CNTN4: variants seen among roughly 807,000 people sequenced by gnomAD.
CNTN4 encodes contactin 4, also known as contactin-4.
Under a neutral mutation model 122.5 loss-of-function variants are expected in CNTN4, and 77 were observed. The ratio of observed to expected loss-of-function variants is 0.63; its 90% confidence interval spans 0.52 to 0.76. The LOEUF (loss-of-function observed/expected upper bound fraction) is 0.76, where lower values mean the gene tolerates loss of function less well. Ranked by LOEUF, CNTN4 falls within the 30% of genes least tolerant of loss-of-function variation. CNTN4 has a pLI of 0.00. For missense variants in CNTN4, 1,256 were observed against 1,259.1 expected (o/e 1.00, Z 0.04); for synonymous variants, 512 against 447.0 (o/e 1.15, Z -1.83).
intron 2 of CNTN4, among the ~76,000 whole-genome samples, chr3:2,249,515 A>G (rs2040293498): frequency 6.6e-6 from 1 of 151,940 alleles, no homozygotes; most frequent in Admixed American, 6.6e-5. Context: ...TTTTGGTTAT[A>G]GAATGGGTAG....
chr3:2,148,197 T>G (rs1312985122), intron 2 of CNTN4, among the ~76,000 whole-genome samples: 2 of 152,146 alleles, frequency 1.3e-5, no homozygotes, highest in African/African-American at 4.8e-5. Context: ...ATATGCTGCT[T>G]CTTGGGCTGT....
chr3:2,646,360 A>T (rs749490062), intron 4 of CNTN4, among the ~76,000 whole-genome samples: 1 of 152,218 alleles, frequency 6.6e-6, no homozygotes, highest in South Asian at 2.1e-4. Flanking sequence ...TTAGATTCAA[A>T]TATTGGCTAA....
intron 4 of CNTN4, among the ~76,000 whole-genome samples, chr3:2,575,088 G>C (rs1214711925): frequency 6.6e-6 from 1 of 151,868 alleles, no homozygotes; most frequent in East Asian, 1.9e-4. Flanking sequence ...CTACCATAAA[G>C]ATAAACAAAC....
intron 3 of CNTN4, among the ~76,000 whole-genome samples, chr3:2,363,584 T>G (rs1282867276): frequency 6.6e-6 from 1 of 152,204 alleles, no homozygotes; most frequent in Non-Finnish European, 1.5e-5. Context: ...AATCTCTATC[T>G]AGGGTGTCTC....
At chr3:2,949,414 A>C (rs2094713660) in intron 13 of CNTN4, among the ~76,000 whole-genome samples, 2 of 152,196 alleles carry the variant, frequency 1.3e-5, no homozygotes, top group South Asian at 4.1e-4. Context: ...CTTTGTCTGA[A>C]AGAAGCACCC....
chr3:2,521,343 T>TCCCCCCCCCCCCCCCCCCCCCCC (rs5846190), intron 3 of CNTN4, among the ~76,000 whole-genome samples: 1 of 128,306 alleles, frequency 7.8e-6, no homozygotes, highest in African/African-American at 3.1e-5. Flanking sequence ...CCTCTACCCA[T>TCCCCCCCCCCCCCCCCCCCCCCC]CCCCCCCACC....
Position 2,787,377 on chromosome 3 carries a change from A to G in CNTN4, c.359-32109A>G, listed in dbSNP as rs144013018. On this transcript the variant is annotated intron_variant, in intron 6 of 24. Transcript: ENST00000418658. ...GGCAGCAGAGCGAGACTCCGCCTCA[A>G]AAAAACATACATAAATAAAATAAAA... 8.0e-3 allele frequency among the ~76,000 whole-genome samples: 1,211 copies of G among 152,318 alleles called. 14 individuals are homozygous for G. Among genetic ancestry groups the G allele is most frequent in the African/African-American group, 0.027 (1,124 of 41,550 alleles).
intron 10 of CNTN4, among the ~76,000 whole-genome samples, chr3:2,897,302 A>G (rs2094125753): frequency 6.6e-6 from 1 of 152,194 alleles, no homozygotes; most frequent in Non-Finnish European, 1.5e-5. Context: ...TTGTAGTTTG[A>G]GAACAATACT....
intron 3 of CNTN4, among the ~76,000 whole-genome samples, chr3:2,458,552 G>C (rs2049084442): frequency 6.6e-6 from 1 of 152,124 alleles, no homozygotes; most frequent in Non-Finnish European, 1.5e-5. Context: ...GATGTTGATA[G>C]AGATCATTTG....
At chr3:2,353,229 A>G (rs2044715445) in intron 3 of CNTN4, among the ~76,000 whole-genome samples, 2 of 151,878 alleles carry the variant, frequency 1.3e-5, no homozygotes, top group African/African-American at 2.4e-5. Flanking sequence ...TAGCTAGAGG[A>G]CTGTAAATGC....
At chr3:3,027,617 G>C (rs1698841551) in intron 15 of CNTN4, among the ~76,000 whole-genome samples, 1 of 152,168 alleles carries the variant, frequency 6.6e-6, no homozygotes, top group Non-Finnish European at 1.5e-5. Context: ...GTAATAACAG[G>C]AAAGTGTAAA....
chr3:2,869,642 C>T (rs549554662), intron 8 of CNTN4, among the ~76,000 whole-genome samples: 13 of 152,282 alleles, frequency 8.5e-5, no homozygotes, highest in African/African-American at 3.1e-4. Context: ...TCTATAATAA[C>T]ATTCATCTGG....
At chr3:2,320,512 C>T (rs891981858) in intron 2 of CNTN4, among the ~76,000 whole-genome samples, 2 of 152,096 alleles carry the variant, frequency 1.3e-5, no homozygotes. Flanking sequence ...TGCTATGTAT[C>T]CCAGGTGGAT....
At chr3:2,115,667 A>G (rs1033575989) in intron 2 of CNTN4, among the ~76,000 whole-genome samples, 1 of 152,176 alleles carries the variant, frequency 6.6e-6, no homozygotes, top group Non-Finnish European at 1.5e-5. Flanking sequence ...TGGGGTATAA[A>G]TCTCTCTATT....
intron 3 of CNTN4, among the ~76,000 whole-genome samples, chr3:2,405,157 G>C (rs1392391536): frequency 6.6e-6 from 1 of 152,108 alleles, no homozygotes; most frequent in Non-Finnish European, 1.5e-5. Flanking sequence ...TTATCATCCA[G>C]TTTCAGAGCA....
At chr3:2,391,660 G>C (rs1373308701) in intron 3 of CNTN4, among the ~76,000 whole-genome samples, 1 of 152,170 alleles carries the variant, frequency 6.6e-6, no homozygotes, top group Non-Finnish European at 1.5e-5. Context: ...AAGTTAGTTA[G>C]CTCAAAATTT....
intron 2 of CNTN4, among the ~76,000 whole-genome samples, chr3:2,194,464 A>G (rs1025252089): frequency 4.6e-5 from 7 of 152,172 alleles, no homozygotes; most frequent in Admixed American, 1.3e-4. Flanking sequence ...CCATGTCAAC[A>G]GAAAAGAAAG....
At chr3:2,369,447 AGATATT>A (rs1316161073) in intron 3 of CNTN4, among the ~76,000 whole-genome samples, 3 of 152,246 alleles carry the variant, frequency 2.0e-5, no homozygotes, top group Non-Finnish European at 4.4e-5. Flanking sequence ...ATTAAATGAC[AGATATT>A]GATATGAAGA....
chr3:2,677,933 A>T (rs953709273), intron 4 of CNTN4, among the ~76,000 whole-genome samples: 1 of 152,198 alleles, frequency 6.6e-6, no homozygotes, highest in Non-Finnish European at 1.5e-5. Context: ...GTCTGTTAGC[A>T]GAAAACTTGA....
Sources: gnomAD v4.1 joint callset for allele counts (sites outside exome capture counted in the v4.1 genomes callset) on GRCh38, gnomAD v4.1.1 for gene constraint, MANE v1.5 for transcripts, NCBI Gene and HGNC (gene_info 2026-07-23, HGNC 2026-07-21) for gene names.